Variants in STAG1 observed in about 807,000 individuals in gnomAD.
The protein encoded by STAG1 is cohesin subunit SA-1.
In STAG1, 26 loss-of-function variants were observed where a neutral mutation model predicts 170.9. That is an observed-to-expected ratio of 0.15 (90% CI 0.11 to 0.21). STAG1 has a LOEUF of 0.21. STAG1 is among the 10% of genes least tolerant of loss of function. The pLI, the probability that STAG1 is intolerant of heterozygous loss-of-function variation, is 1.00. For synonymous variants in STAG1, 514 were observed against 497.7 expected, an observed-to-expected ratio of 1.03 and a Z score of -0.44; for missense variants, 964 against 1,509.5, an observed-to-expected ratio of 0.64 and a Z score of 5.99.
intron 1 of STAG1, chr3:136,737,064 A>T: frequency 8.1e-7 from 1 of 1,235,320 alleles, no homozygotes; most frequent in Non-Finnish European, 1.2e-6. Flanking sequence ...AAGAACCTCA[A>T]ATGGGGTGAA....
At chr3:136,613,274 C>A (rs1224906657) in intron 3 of STAG1, among the ~76,000 whole-genome samples, 1 of 114,784 alleles carries the variant, frequency 8.7e-6, no homozygotes, top group Non-Finnish European at 1.6e-5. Context: ...CACTGCACTC[C>A]AGCCTGGGCA....
chr3:136,392,902 G>A (rs1020653821), intron 22 of STAG1, among the ~76,000 whole-genome samples: 1 of 151,790 alleles, frequency 6.6e-6, no homozygotes, highest in Non-Finnish European at 1.5e-5. Context: ...ATATGCTGAA[G>A]TAGGAGAGCT....
chr3:136,535,952 AATGTGATTT>A (rs1481951446), intron 6 of STAG1, among the ~76,000 whole-genome samples: 2 of 152,234 alleles, frequency 1.3e-5, no homozygotes, highest in South Asian at 4.1e-4. Context: ...AACAAATATA[AATGTGATTT>A]ATGTGAATCA....
Position 136,663,344 on chromosome 3 carries a change from T to C in STAG1, c.-83-32363A>G, listed in dbSNP as rs142207664. Among the ~76,000 whole-genome samples the C allele has an allele frequency of 2.0e-3, 309 of 152,272 alleles. 7 individuals are homozygous for C. The East Asian group carries it at 0.05, about 25-fold the overall frequency. On this transcript the variant is annotated intron_variant, in intron 1 of 33. Coordinates refer to ENST00000383202, the MANE Select transcript of STAG1 (RefSeq NM_005862.3). ...AACCCTATGAAGTAGATATTACTAT[T>C]CCTACTTTAGAATAAGCAAATAGGT...
rs969988773 is a variant in STAG1 at position 136,731,416 on chromosome 3, G to C, written c.-84+20779C>G. On this transcript the variant is annotated intron_variant, in intron 1 of 33. Transcript: ENST00000383202. ...AATTTGTCAAGCAGAATAAAATCTG[G>C]ATTTCAGCCTTCCCCTACCACTTTG... Among the ~76,000 whole-genome samples the C allele has an allele frequency of 2.7e-4, 41 of 152,158 alleles. 2 individuals carry two copies. The highest frequency in any genetic ancestry group is 1.5e-5 in the Non-Finnish European group (1 of 68,030).
At chr3:136,490,743 G>A (rs567805133) in intron 9 of STAG1, among the ~76,000 whole-genome samples, 4 of 152,134 alleles carry the variant, frequency 2.6e-5, no homozygotes, top group Non-Finnish European at 5.9e-5. Flanking sequence ...CTGAAAATAT[G>A]ATTCTGAAAT....
intron 2 of STAG1, among the ~76,000 whole-genome samples, chr3:136,628,909 AAAT>A (rs1234853396): frequency 1.2e-4 from 18 of 152,350 alleles, no homozygotes; most frequent in African/African-American, 3.8e-4. Flanking sequence ...GTAAGCCAAG[AAAT>A]AATAAGGATA....
intron 30 of STAG1, 79 bp from the exon 31 acceptor site, chr3:136,341,630 G>A (rs1935973423): frequency 4.4e-6 from 4 of 915,850 alleles, no homozygotes; most frequent in South Asian, 2.9e-5. Flanking sequence ...AGAAAGCCAA[G>A]GTAGGTTTAC....
chr3:136,367,175 T>C, intron 24 of STAG1, 93 bp from the exon 25 acceptor site: 6 of 1,034,886 alleles, frequency 5.8e-6, no homozygotes, highest in African/African-American at 4.8e-5. Context: ...TAGCTTAATA[T>C]TATAACTTCA....
intron 5 of STAG1, among the ~76,000 whole-genome samples, chr3:136,551,531 C>T (rs997942849): frequency 3.3e-5 from 5 of 151,500 alleles, no homozygotes; most frequent in African/African-American, 1.2e-4. Flanking sequence ...GCCCCCACCT[C>T]GGGCTCCCAC....
chr3:136,526,726 G>A (rs1935051951), intron 6 of STAG1, among the ~76,000 whole-genome samples: 1 of 152,196 alleles, frequency 6.6e-6, no homozygotes, highest in Non-Finnish European at 1.5e-5. Flanking sequence ...TGCAGTGGCT[G>A]GTACTGGTTG....
intron 21 of STAG1, among the ~76,000 whole-genome samples, chr3:136,408,121 G>A (rs1179031118): frequency 6.6e-6 from 1 of 152,154 alleles, no homozygotes; most frequent in East Asian, 1.9e-4. Flanking sequence ...AGATGAACAT[G>A]TAGAATGTTT....
At chr3:136,499,487 C>G (rs1006944324) in intron 9 of STAG1, among the ~76,000 whole-genome samples, 1 of 152,166 alleles carries the variant, frequency 6.6e-6, no homozygotes, top group South Asian at 2.1e-4. Flanking sequence ...GCCAAATATA[C>G]TCTCAAATGG....
intron 1 of STAG1, among the ~76,000 whole-genome samples, chr3:136,728,335 C>T (rs1394328296): frequency 1.3e-5 from 2 of 152,032 alleles, no homozygotes; most frequent in Non-Finnish European, 2.9e-5. Flanking sequence ...CTTTTAATGT[C>T]TTGTTTCTGA....
At chr3:136,512,334 GT>G (rs754072324) in intron 7 of STAG1, among the ~76,000 whole-genome samples, 1 of 151,980 alleles carries the variant, frequency 6.6e-6, no homozygotes, top group Non-Finnish European at 1.5e-5. Flanking sequence ...TTTTAGCTTA[GT>G]AGAATCCAGA....
intron 3 of STAG1, among the ~76,000 whole-genome samples, chr3:136,612,821 T>C (rs1939371984): frequency 2.0e-5 from 3 of 152,248 alleles, no homozygotes. Context: ...TCACCACTGT[T>C]AGGCAATTAC....
intron 4 of STAG1, among the ~76,000 whole-genome samples, chr3:136,571,290 T>C (rs781635455): frequency 1.3e-5 from 2 of 152,208 alleles, no homozygotes; most frequent in Non-Finnish European, 2.9e-5. Flanking sequence ...CACTTTGGTC[T>C]GAGCGTGGTG....
intron 5 of STAG1, among the ~76,000 whole-genome samples, chr3:136,542,671 A>T (rs1171189144): frequency 1.2e-4 from 7 of 58,570 alleles, no homozygotes; most frequent in Admixed American, 2.7e-4. Context: ...GTTTGTAATA[A>T]AAAAAAAAAA....
chr3:136,382,401 C>CA (rs1450692692), intron 22 of STAG1, among the ~76,000 whole-genome samples: 1 of 134,600 alleles, frequency 7.4e-6, no homozygotes, highest in Non-Finnish European at 1.6e-5. Flanking sequence ...CCAAGGCTTT[C>CA]TTTTTTTTTT....
Sources: allele counts gnomAD v4.1 joint callset (sites outside exome capture counted in the v4.1 genomes callset), GRCh38; gene constraint gnomAD v4.1.1; transcripts MANE v1.5; gene names NCBI Gene and HGNC (gene_info 2026-07-23, HGNC 2026-07-21).